Variants in ATP9A observed in about 807,000 individuals in gnomAD.
The protein encoded by ATP9A is probable phospholipid-transporting ATPase IIA.
ATP9A carries 52 observed loss-of-function variants against 144.1 expected under a neutral mutation model. That is an observed-to-expected ratio of 0.36 (90% CI 0.29 to 0.45). The LOEUF is 0.45. Ranked by LOEUF, ATP9A falls within the 20% of genes least tolerant of loss-of-function variation. ATP9A has a pLI of 1.00. For synonymous variants in ATP9A, 582 were observed against 557.4 expected (o/e 1.04, Z -0.62); for missense variants, 947 against 1,392.7 (o/e 0.68, Z 5.09).
At chr20:51,636,959 C>T (rs1238236380) in intron 15 of ATP9A, among the ~76,000 whole-genome samples, 1 of 152,116 alleles carries the variant, frequency 6.6e-6, no homozygotes, top group African/African-American at 2.4e-5. Context: ...GGCATGGTGG[C>T]GCACGCCTGT....
chr20:51,761,950 G>A (rs550250638), intron 1 of ATP9A, among the ~76,000 whole-genome samples: 3 of 152,152 alleles, frequency 2.0e-5, no homozygotes, highest in East Asian at 1.9e-4. Context: ...AGAGTCCCCC[G>A]CATTCCTTGG....
chr20:51,661,435 C>T (rs1020937448), intron 13 of ATP9A, among the ~76,000 whole-genome samples: 2 of 151,202 alleles, frequency 1.3e-5, no homozygotes, highest in Non-Finnish European at 2.9e-5. Flanking sequence ...ATGATCACAG[C>T]TCACTGCAGC....
intron 3 of ATP9A, among the ~76,000 whole-genome samples, chr20:51,718,381 G>GT (rs1250518635): frequency 8.0e-5 from 12 of 150,298 alleles, no homozygotes; most frequent in Admixed American, 2.0e-4. Context: ...TGTGGGGGGG[G>GT]GTTGTTTGTT....
intron 15 of ATP9A, among the ~76,000 whole-genome samples, chr20:51,629,666 A>G (rs1359930721): frequency 2.6e-5 from 4 of 152,166 alleles, no homozygotes; most frequent in Non-Finnish European, 4.4e-5. Context: ...ATAATTCCAG[A>G]TCCCTAAGTC....
chr20:51,760,940 A>C (rs1037535831), intron 1 of ATP9A, among the ~76,000 whole-genome samples: 2 of 151,738 alleles, frequency 1.3e-5, no homozygotes, highest in Non-Finnish European at 2.9e-5. Flanking sequence ...GAAGCAGAGA[A>C]TTGCTTAAAC....
intron 14 of ATP9A, among the ~76,000 whole-genome samples, chr20:51,651,132 C>G (rs1208874577): frequency 7.0e-6 from 1 of 142,134 alleles, no homozygotes; most frequent in African/African-American, 2.6e-5. Context: ...TGATTCTGTA[C>G]TGGTCCTCTC....
At chr20:51,645,807 C>T in intron 14 of ATP9A, among the ~76,000 whole-genome samples, 1 of 152,162 alleles carries the variant, frequency 6.6e-6, no homozygotes, top group South Asian at 2.1e-4. Flanking sequence ...ACTGCATTCC[C>T]TCCCAAAACA....
chr20:51,640,531 G>A (rs2077314461), intron 14 of ATP9A, among the ~76,000 whole-genome samples: 1 of 152,188 alleles, frequency 6.6e-6, no homozygotes, highest in South Asian at 2.1e-4. Context: ...AGTTGCCCAA[G>A]GTGACAGCGC....
At chr20:51,686,050 G>C (rs1568820075) in intron 9 of ATP9A, among the ~76,000 whole-genome samples, 1 of 152,160 alleles carries the variant, frequency 6.6e-6, no homozygotes, top group Non-Finnish European at 1.5e-5. Flanking sequence ...AAAAGGATGA[G>C]TTCATGCCCT....
chr20:51,696,596 A>C (rs1458609730), intron 5 of ATP9A, among the ~76,000 whole-genome samples: 1 of 152,096 alleles, frequency 6.6e-6, no homozygotes, highest in Non-Finnish European at 1.5e-5. Context: ...AAGCAACAAA[A>C]GCCATTCTAA....
chr20:51,682,577 C>CTTTTTTT lies in ATP9A; in HGVS notation c.800-6376_800-6370dup, dbSNP rs60505207. On this transcript the variant is annotated intron_variant, in intron 9 of 27. Transcript: ENST00000338821. Reference sequence around the variant, plus strand: ...TAAAGTGTGTTGCTTTTCACTGTATCTTTTTTTTTTTTTTTTTTTTTTTTT... The same window carrying CTTTTTTT: ...TAAAGTGTGTTGCTTTTCACTGTATCTTTTTTTTTTTTTTTTTTTTTTTTTTTTTTTT... Among the ~76,000 whole-genome samples, 156 of 35,084 alleles carry CTTTTTTT rather than the reference C, an allele frequency of 4.4e-3. 37 individuals are homozygous for CTTTTTTT. The highest frequency in any genetic ancestry group is 6.4e-3 in the Non-Finnish European group (120 of 18,832). The allele number at this position is 35,084 out of a possible 152,430, so 23.0% of individuals were successfully genotyped here.
rs183288216 is a variant in ATP9A, at chr20:51,692,987, C to T, written c.642+1021G>A. Among the ~76,000 whole-genome samples, 123 of 152,264 alleles carry T rather than the reference C, an allele frequency of 8.1e-4. 1 individual carries two copies. Among genetic ancestry groups the T allele is most frequent in the African/African-American group, 2.8e-3 (116 of 41,544 alleles). On this transcript the variant is annotated intron_variant, in intron 7 of 27. Coordinates refer to ENST00000338821, the MANE Select transcript of ATP9A (RefSeq NM_006045.3). ...GACACAGTAAGGAGTGGCTTCGATC[C>T]ATGTGACGTGAGCACAGGGGAAGCT...
rs79124513 is a variant in ATP9A, at chr20:51,736,354, T to C, written c.69-6376A>G. On this transcript the variant is annotated intron_variant, in intron 1 of 27. Coordinates refer to ENST00000338821, the MANE Select transcript of ATP9A (RefSeq NM_006045.3). ...GAAGGTTATAAGCAGGAGAGTGGAA[T>C]GATCTCATTTATAGTTTTAAAAGGT... is the stretch of plus-strand genomic sequence containing the variant. 9.4e-3 allele frequency among the ~76,000 whole-genome samples: 1,426 copies of C among 152,302 alleles called. 18 individuals carry two copies. The highest frequency in any genetic ancestry group is 0.032 in the African/African-American group (1,342 of 41,540).
chr20:51,603,023 G>A (rs998561112), intron 27 of ATP9A, among the ~76,000 whole-genome samples: 1 of 152,016 alleles, frequency 6.6e-6, no homozygotes, highest in African/African-American at 2.4e-5. Flanking sequence ...TTGCTAGAGA[G>A]CCTGGGCCCT....
chr20:51,627,316 G>A (rs898095139), intron 17 of ATP9A, among the ~76,000 whole-genome samples: 1 of 152,206 alleles, frequency 6.6e-6, no homozygotes, highest in Non-Finnish European at 1.5e-5. Flanking sequence ...ATGATGGATG[G>A]AAAGTGAGAA....
intron 15 of ATP9A, 145 bp downstream of exon 15, chr20:51,639,198 T>G: frequency 1.1e-6 from 1 of 919,742 alleles, no homozygotes; most frequent in Non-Finnish European, 1.6e-6. Flanking sequence ...CTAATTTCCT[T>G]TCTGCTTAGG....
Position 51,676,191 on chromosome 20 carries a change from C to G in ATP9A, c.817G>C (p.Val273Leu). The change falls in exon 10 of 28, where the codon GTT (valine) becomes CTT (leucine). Residue 273 changes from valine (V) to leucine (L), a missense_variant. Physicochemically the swap from Val to Leu is conservative, Grantham distance 32 (BLOSUM62 1). Transcript: ENST00000338821. ...CGGAGTTCTCTGCCAGTGTAAAGAA[C>G]AACACCCACAACAGTACCTAAAATG... The part of the protein sequence containing the change: ...VVASGTVVGV[V>L]LYTGRELRSV... The G allele has an allele frequency of 6.3e-7, 1 of 1,576,272 alleles. No homozygotes were observed. Among genetic ancestry groups the G allele is most frequent in the Non-Finnish European group, 8.6e-7 (1 of 1,161,502 alleles).
chr20:51,759,054 G>A (rs2077868185), intron 1 of ATP9A, among the ~76,000 whole-genome samples: 1 of 152,230 alleles, frequency 6.6e-6, no homozygotes, highest in Non-Finnish European at 1.5e-5. Flanking sequence ...TGGGCAGAGA[G>A]CAGCTAGTCT....
chr20:51,602,962 C>A (rs2077148923), intron 27 of ATP9A, among the ~76,000 whole-genome samples: 1 of 152,120 alleles, frequency 6.6e-6, no homozygotes, highest in Non-Finnish European at 1.5e-5. Context: ...CGGTGGGGTC[C>A]ACACCACCCC....
Sources: gnomAD v4.1 joint callset for allele counts (sites outside exome capture counted in the v4.1 genomes callset) on GRCh38, gnomAD v4.1.1 for gene constraint, MANE v1.5 for transcripts, NCBI Gene and HGNC (gene_info 2026-07-23, HGNC 2026-07-21) for gene names.